The following IQCF1 variants were observed in gnomAD, a reference collection of about 807,000 sequenced individuals.
IQCF1 encodes the protein IQ motif containing F1, also known as IQ domain-containing protein F1.
IQCF1 carries 9 observed loss-of-function variants against 12.5 expected under a neutral mutation model. That is an observed-to-expected ratio of 0.72 (90% CI 0.43 to 1.26). The LOEUF (loss-of-function observed/expected upper bound fraction) is 1.26. Ranked by LOEUF, IQCF1 falls within the 50% of genes most tolerant of loss-of-function variation. IQCF1 has a pLI of 0.00. For missense variants in IQCF1, 252 were observed against 257.4 expected (o/e 0.98, Z 0.14); for synonymous variants, 67 against 96.2 (o/e 0.70, Z 1.78).
chr3:51,899,118 CT>C, intron 2 of IQCF1, among the ~76,000 whole-genome samples: 1 of 152,020 alleles, frequency 6.6e-6, no homozygotes, highest in Non-Finnish European at 1.5e-5. Flanking sequence ...AACTTCTAAT[CT>C]TGTGGCCTTA....
rs1292213030 is a variant in IQCF1, at chr3:51,895,370, G to A, written c.172-34C>T. On this transcript the variant is annotated intron_variant, in intron 3 of 3. Coordinates refer to ENST00000310914, the MANE Select transcript of IQCF1 (RefSeq NM_152397.3). The surrounding 1 kb of genome is among the most constrained non-coding windows in gnomAD (Gnocchi z 4.8). ...AAAAAAAGAGGGACCTTCAGAGAAT[G>A]CTCCCCACTGGCTTCAGCTCTGGGG... The A allele has an allele frequency of 3.2e-6, 5 of 1,565,810 alleles. No individual in the cohort carries two copies. The South Asian group carries it at 3.5e-5, about 11-fold the overall frequency.
Position 51,895,343 on chromosome 3 carries a change from AG to A in IQCF1, c.172-8del. The A allele has an allele frequency of 6.9e-7, 1 of 1,454,588 alleles. No homozygotes were observed. The highest frequency in any genetic ancestry group is 9.0e-7 in the Non-Finnish European group (1 of 1,107,442). 90.1% of individuals were successfully genotyped at this position (1,454,588 alleles called of 1,614,324 possible). A position where few individuals can be genotyped will look rare whatever the true frequency, so the allele number is the denominator to read the frequency against. ...TCTTTTGGTTTTCTGGGGGCTTTCA[AG>A]AAAAAAAGAGGGACCTTCAGAGAAT... On this transcript the variant is annotated splice_region_variant and splice_polypyrimidine_tract_variant and intron_variant, in intron 3 of 3. Coordinates refer to ENST00000310914, the MANE Select transcript of IQCF1 (RefSeq NM_152397.3). The surrounding 1 kb of genome is among the most constrained non-coding windows in gnomAD (Gnocchi z 4.8).
chr3:51,901,400 CTT>C (rs983701143), intron 2 of IQCF1, among the ~76,000 whole-genome samples: 1 of 152,206 alleles, frequency 6.6e-6, no homozygotes, highest in African/African-American at 2.4e-5. Context: ...AGGGAGGAAA[CTT>C]AGCATTCCTT....
intron 2 of IQCF1, among the ~76,000 whole-genome samples, chr3:51,899,162 A>G (rs1847677): frequency 0.7 from 106,177 of 152,028 alleles, 38,033 homozygotes; most frequent in East Asian, 0.86. Flanking sequence ...AAGGAAGTTC[A>G]CATTGGAAAA....
At chr3:51,902,177 G>A (rs11130298) in intron 2 of IQCF1, among the ~76,000 whole-genome samples, 103,463 of 151,986 alleles carry the variant, frequency 0.68, 36,626 homozygotes, top group East Asian at 0.86. Context: ...TTCTTGTTGG[G>A]TGCTGTGTCA....
In IQCF1 at chr3:51,896,711, A is replaced by G. The variant is rs200841297; in HGVS notation, c.171+121T>C. 507 of 700,642 alleles carry G rather than the reference A, an allele frequency of 7.2e-4. No individual in the cohort carries two copies. The Middle Eastern group carries it at 0.014, about 19-fold the overall frequency. 43.4% of individuals were successfully genotyped at this position (700,642 alleles called of 1,614,324 possible). A position where few individuals can be genotyped will look rare whatever the true frequency, so the allele number is the denominator to read the frequency against. ...AACACGCGCGCACACACACACACAC[A>G]CGCACACACACACACACATACTTCT... On this transcript the variant is annotated intron_variant, in intron 3 of 3. Transcript: ENST00000310914.
In IQCF1 at chr3:51,895,225, C is replaced by T. The variant is rs964113570; in HGVS notation, c.283G>A (p.Ala95Thr). The T allele has an allele frequency of 6.2e-7, 1 of 1,614,212 alleles. No individual in the cohort carries two copies. The highest frequency in any genetic ancestry group is 8.5e-7 in the Non-Finnish European group (1 of 1,180,038). Residue 95 changes from alanine (A) to threonine (T), a missense_variant, in exon 4 of 4, where the codon GCC (alanine) becomes ACC (threonine). Transcript: ENST00000310914. This position sits in a 1 kb window ranked among gnomAD's most constrained non-coding sequence, Gnocchi z 4.8. ...RRALLHAALS[A>T]CIIQCWWRLI... ...CGCCACCAGCACTGAATGATGCAGG[C>T]ACTGAGGGCTGCGTGCAACAGTGCC...
chr3:51,902,517 ACTCCCCCCTGACTCATTCCGATTACCGG>A (rs1699086016), intron 2 of IQCF1, among the ~76,000 whole-genome samples: 1 of 151,336 alleles, frequency 6.6e-6, no homozygotes, highest in Non-Finnish European at 1.5e-5. Flanking sequence ...CTGATTACCT[ACTCCCCCCTGACTCATTCCGATTACCGG>A]CTCCACCCTG....
At chr3:51,901,092 T>C (rs1699070513) in intron 2 of IQCF1, among the ~76,000 whole-genome samples, 1 of 152,186 alleles carries the variant, frequency 6.6e-6, no homozygotes, top group Non-Finnish European at 1.5e-5. Context: ...AAGATGCAAA[T>C]GTCTGGTTGG....
intron 2 of IQCF1, among the ~76,000 whole-genome samples, chr3:51,902,524 C>A (rs146523508): frequency 2.3e-4 from 35 of 152,306 alleles, no homozygotes; most frequent in African/African-American, 7.9e-4. Flanking sequence ...CCTACTCCCC[C>A]CTGACTCATT....
chr3:51,896,681 G>T, intron 3 of IQCF1, 151 bp downstream of exon 3: 1 of 612,868 alleles, frequency 1.6e-6, no homozygotes. Context: ...ACATGCACAA[G>T]CTCAAACACG....
In IQCF1 at chr3:51,900,284, C is replaced by T. The variant is rs921255988; in HGVS notation, c.108+2701G>A. On this transcript the variant is annotated intron_variant, in intron 2 of 3. Coordinates refer to ENST00000310914, the MANE Select transcript of IQCF1 (RefSeq NM_152397.3). This position sits in a 1 kb window ranked among gnomAD's most constrained non-coding sequence, Gnocchi z 4.2. ...ACACCTGAGTCAAGAAAGCGCCACC[C>T]CTTCCAGAGTCACGGGCCATAGTCC... is the stretch of plus-strand genomic sequence containing the variant. Among the ~76,000 whole-genome samples, 1 of 152,092 alleles carries T rather than the reference C, an allele frequency of 6.6e-6. No individual in the cohort carries two copies. Among genetic ancestry groups the T allele is most frequent in the Non-Finnish European group, 1.5e-5 (1 of 68,014 alleles).
intron 2 of IQCF1, among the ~76,000 whole-genome samples, chr3:51,897,251 A>G (rs533051753): frequency 4.6e-5 from 7 of 152,338 alleles, no homozygotes; most frequent in African/African-American, 1.7e-4. Context: ...TAGGGGAACG[A>G]CACAGCAGCA....
rs1370179708 is a variant in IQCF1, at chr3:51,895,627, C to A, written c.172-291G>T. Among the ~76,000 whole-genome samples the A allele has an allele frequency of 6.6e-6, 1 of 152,164 alleles. No individual in the cohort carries two copies. Among genetic ancestry groups the A allele is most frequent in the Non-Finnish European group, 1.5e-5 (1 of 68,032 alleles). On this transcript the variant is annotated intron_variant, in intron 3 of 3. Transcript: ENST00000310914. This position sits in a 1 kb window ranked among gnomAD's most constrained non-coding sequence, Gnocchi z 4.8. ...CCCAGTTTTCCATGGACCTTGTTGA[C>A]CAGCAAGAACACTGTGATATAGGGT... is the stretch of plus-strand genomic sequence containing the variant.
chr3:51,902,902 C>T (rs1183290353), intron 2 of IQCF1, 83 bp downstream of exon 2: 4 of 1,071,282 alleles, frequency 3.7e-6, no homozygotes, highest in Non-Finnish European at 5.8e-6. Context: ...AGAAACTTCA[C>T]TTATAACAGC....
rs774535157 is a variant in IQCF1 at position 51,895,262 on chromosome 3, G to C, written c.246C>G (p.Thr82=). Residue 82 remains threonine, a synonymous_variant, in exon 4 of 4, where the codon ACC becomes ACG. Coordinates refer to ENST00000310914, the MANE Select transcript of IQCF1 (RefSeq NM_152397.3). The surrounding 1 kb of genome is among the most constrained non-coding windows in gnomAD (Gnocchi z 4.8). ...ATKIQAWWRG[T]LVRRALLHAA... ...CGTGCAACAGTGCCCGACGCACCAG[G>C]GTGCCCCGCCACCAGGCCTGGATCT... 1 of 1,614,136 alleles carries C rather than the reference G, an allele frequency of 6.2e-7. No individual in the cohort carries two copies. The highest frequency in any genetic ancestry group is 8.5e-7 in the Non-Finnish European group (1 of 1,180,010).
At chr3:51,896,556 G>A (rs1191861520) in intron 3 of IQCF1, among the ~76,000 whole-genome samples, 2 of 151,928 alleles carry the variant, frequency 1.3e-5, no homozygotes, top group African/African-American at 4.8e-5. Context: ...TTTTCTTTCC[G>A]TCAACATGTC....
chr3:51,899,258 A>G (rs1699049011), intron 2 of IQCF1, among the ~76,000 whole-genome samples: 2 of 152,250 alleles, frequency 1.3e-5, no homozygotes, highest in Admixed American at 1.3e-4. Context: ...TTCTTGTCCT[A>G]AAATAAATTA....
In IQCF1 at chr3:51,899,541, A is replaced by T. The variant is rs182587392; in HGVS notation, c.109-2647T>A. On this transcript the variant is annotated intron_variant, in intron 2 of 3. Coordinates refer to ENST00000310914, the MANE Select transcript of IQCF1 (RefSeq NM_152397.3). ...TTTTACCTACATTAAAAGGTTAAAA[A>T]TTTTTTTTGTTTTAAAGGTTTAAGC... is the stretch of plus-strand genomic sequence containing the variant. Among the ~76,000 whole-genome samples the T allele has an allele frequency of 6.4e-3, 968 of 152,250 alleles. 10 individuals carry two copies. Among genetic ancestry groups the T allele is most frequent in the East Asian group, 0.032 (165 of 5,192 alleles).
Sources: allele counts gnomAD v4.1 joint callset (sites outside exome capture counted in the v4.1 genomes callset), GRCh38; gene constraint gnomAD v4.1.1; non-coding constraint Gnocchi (gnomAD v3.1); transcripts MANE v1.5; gene names NCBI Gene and HGNC (gene_info 2026-07-23, HGNC 2026-07-21).